WDR64: variants seen among roughly 807,000 people sequenced by gnomAD.
WDR64 encodes the protein WD repeat domain 64.
WDR64 carries 112 observed loss-of-function variants against 139.3 expected under a neutral mutation model. The observed-to-expected ratio is 0.80, with a 90% CI of 0.69 to 0.94. The LOEUF (loss-of-function observed/expected upper bound fraction) is 0.94. Among genes scored for constraint, WDR64 ranks in the 40% least tolerant of loss-of-function variants. The pLI is 0.00. For synonymous variants in WDR64, 444 were observed against 437.7 expected, an observed-to-expected ratio of 1.01 and a Z score of -0.18; for missense variants, 1,206 against 1,293.1, an observed-to-expected ratio of 0.93 and a Z score of 1.03.
intron 27 of WDR64, among the ~76,000 whole-genome samples, chr1:241,797,751 C>A (rs777304640): frequency 2.0e-4 from 30 of 151,494 alleles, no homozygotes; most frequent in Non-Finnish European, 2.8e-4. Flanking sequence ...TGATGAAACA[C>A]AGTTGTATAA....
chr1:241,802,671 G>A lies in WDR64; in HGVS notation c.*1456G>A, dbSNP rs1249677200. Among the ~76,000 whole-genome samples the A allele has an allele frequency of 1.3e-5, 2 of 152,038 alleles. No individual in the cohort carries two copies. Among genetic ancestry groups the A allele is most frequent in the Non-Finnish European group, 2.9e-5 (2 of 67,996 alleles). On this transcript the variant is annotated 3_prime_UTR_variant, in exon 28 of 28. Transcript: ENST00000437684. Reference sequence around the variant, plus strand: ...AAATAAGATGAACTAATGGATAGAGGGATGGACTGATAGATGGATATGTGT... The same window carrying A: ...AAATAAGATGAACTAATGGATAGAGAGATGGACTGATAGATGGATATGTGT...
intron 18 of WDR64, 107 bp downstream of exon 18, chr1:241,770,797 G>A: frequency 1.0e-6 from 1 of 994,434 alleles, no homozygotes; most frequent in Non-Finnish European, 1.4e-6. Context: ...AGGTAACAGT[G>A]GAAGAATTCT....
intron 23 of WDR64, 24 bp from the exon 24 acceptor site, chr1:241,787,825 C>T (rs1477584762): frequency 3.9e-6 from 6 of 1,541,396 alleles, no homozygotes; most frequent in African/African-American, 1.4e-5. Flanking sequence ...TTACTTTTTC[C>T]TCCCTTCCTT....
intron 24 of WDR64, among the ~76,000 whole-genome samples, chr1:241,788,844 G>T (rs1486217841): frequency 6.6e-6 from 1 of 152,200 alleles, no homozygotes; most frequent in Non-Finnish European, 1.5e-5. Flanking sequence ...GGCTGAGATG[G>T]AAGAGGTGGT....
intron 2 of WDR64, among the ~76,000 whole-genome samples, chr1:241,662,425 C>T (rs1232333656): frequency 6.6e-6 from 1 of 152,204 alleles, no homozygotes; most frequent in Non-Finnish European, 1.5e-5. Flanking sequence ...TTCTTGTTGA[C>T]TGGAGGCTGC....
intron 8 of WDR64, among the ~76,000 whole-genome samples, chr1:241,696,029 ACTTTAGC>A (rs1667467873): frequency 7.4e-6 from 1 of 135,904 alleles, no homozygotes; most frequent in Non-Finnish European, 1.5e-5. Flanking sequence ...TGGGAGGATC[ACTTTAGC>A]CTGGGAGGTC....
chr1:241,739,088 C>G (rs2148238679), intron 11 of WDR64, among the ~76,000 whole-genome samples: 1 of 152,312 alleles, frequency 6.6e-6, no homozygotes, highest in South Asian at 2.1e-4. Flanking sequence ...CCTTCACCAG[C>G]CTTTGCCTCT....
intron 1 of WDR64, among the ~76,000 whole-genome samples, chr1:241,657,298 AT>A (rs1243206041): frequency 6.6e-6 from 1 of 152,120 alleles, no homozygotes; most frequent in East Asian, 1.9e-4. Context: ...ACGTCTTTCC[AT>A]CTGGCCTCCT....
At chr1:241,727,857 T>TA (rs1668905740) in intron 10 of WDR64, among the ~76,000 whole-genome samples, 1 of 150,960 alleles carries the variant, frequency 6.6e-6, no homozygotes. Flanking sequence ...CTAGGCAAAA[T>TA]AGCAAGACCC....
chr1:241,665,804 T>C (rs1196699325), intron 2 of WDR64, among the ~76,000 whole-genome samples: 2 of 152,196 alleles, frequency 1.3e-5, no homozygotes, highest in Admixed American at 6.5e-5. Flanking sequence ...TAAACACATT[T>C]TTTTAGGAGC....
chr1:241,729,023 TA>T (rs908378451), intron 10 of WDR64, among the ~76,000 whole-genome samples: 2 of 152,210 alleles, frequency 1.3e-5, no homozygotes, highest in African/African-American at 2.4e-5. Flanking sequence ...TCTGCCTACC[TA>T]AAACTGAATT....
chr1:241,696,179 C>T lies in WDR64; in HGVS notation c.974+8584C>T, dbSNP rs115252250. On this transcript the variant is annotated intron_variant, in intron 8 of 27. Transcript: ENST00000437684. ...ATAACACTGATAAGACCCTAACTTA[C>T]AGCACCTGGATTTTTTTCTTTCAGA... 9.3e-3 allele frequency among the ~76,000 whole-genome samples: 1,153 copies of T among 124,080 alleles called. 12 individuals are homozygous for T. The highest frequency in any genetic ancestry group is 0.034 in the African/African-American group (1,092 of 32,480). 81.4% of individuals were successfully genotyped at this position (124,080 alleles called of 152,430 possible).
Position 241,652,520 on chromosome 1 carries a change from A to C in WDR64, c.36A>C (p.Ala12=), listed in dbSNP as rs774732917. 16 of 1,552,308 alleles carry C rather than the reference A, an allele frequency of 1.0e-5. No individual in the cohort carries two copies. Among genetic ancestry groups the C allele is most frequent in the Non-Finnish European group, 1.4e-5 (16 of 1,147,118 alleles). ...GGAAGGAAAAGCGTCTCAACATGGC[A>C]CTTCAGATGAGCAATTTCAAAAAGG... ...DIRKEKRLNM[A]LQMSNFKKAL... is the part of the protein sequence containing the mutation. The change falls in exon 1 of 28, where the codon GCA becomes GCC. Residue 12 remains alanine, a synonymous_variant. Transcript: ENST00000437684.
intron 27 of WDR64, among the ~76,000 whole-genome samples, chr1:241,800,289 G>A (rs1463612211): frequency 6.6e-6 from 1 of 152,050 alleles, no homozygotes; most frequent in African/African-American, 2.4e-5. Context: ...GACCTTAGGA[G>A]CTCACTCTTC....
Position 241,749,737 on chromosome 1 carries a change from T to G in WDR64, c.1770+15T>G, listed in dbSNP as rs1558506254. 3 of 1,605,618 alleles carry G rather than the reference T, an allele frequency of 1.9e-6. No homozygotes were observed. Among genetic ancestry groups the G allele is most frequent in the African/African-American group, 2.8e-5 (2 of 72,236 alleles). The stretch of plus-strand genomic sequence containing the variant: ...AAATGATCCAGGTTTACAATCCCAC[T>G]TCATACTCGTACTGCAGGTGCCCTT... On this transcript the variant is annotated intron_variant, in intron 14 of 27. Transcript: ENST00000437684.
intron 13 of WDR64, among the ~76,000 whole-genome samples, chr1:241,746,162 A>G (rs1669747657): frequency 6.6e-6 from 1 of 152,040 alleles, no homozygotes; most frequent in Non-Finnish European, 1.5e-5. Flanking sequence ...TGGGGGTGTG[A>G]GTGTTGCTGA....
intron 3 of WDR64, 85 bp downstream of exon 3, chr1:241,671,261 A>G: frequency 1.0e-6 from 1 of 967,618 alleles, no homozygotes; most frequent in Non-Finnish European, 1.5e-6. Context: ...CCATAGAATC[A>G]CTTTTCATTT....
At chr1:241,677,757 A>G (rs72768063) in intron 4 of WDR64, among the ~76,000 whole-genome samples, 4,258 of 152,326 alleles carry the variant, frequency 0.028, 83 homozygotes, top group Non-Finnish European at 0.044. Context: ...AACTTTAAAC[A>G]AAACAATGGT....
At chr1:241,732,095 A>G (rs375182175) in intron 10 of WDR64, among the ~76,000 whole-genome samples, 231 of 152,300 alleles carry the variant, frequency 1.5e-3, no homozygotes, top group African/African-American at 5.2e-3. Flanking sequence ...GGGACTAAAA[A>G]TCTCATTAGC....
Sources: gnomAD v4.1 joint callset for allele counts (sites outside exome capture counted in the v4.1 genomes callset) on GRCh38, gnomAD v4.1.1 for gene constraint, MANE v1.5 for transcripts, NCBI Gene and HGNC (gene_info 2026-07-23, HGNC 2026-07-21) for gene names.